SLC2A9: variants seen among roughly 807,000 people sequenced by gnomAD.
SLC2A9 encodes the protein solute carrier family 2, facilitated glucose transporter member 9.
In SLC2A9, 39 loss-of-function variants were observed where a neutral mutation model predicts 50.6. The ratio of observed to expected loss-of-function variants is 0.77; its 90% CI spans 0.60 to 1.01. SLC2A9 has a LOEUF of 1.01. Ranked by LOEUF, SLC2A9 falls within the 50% of genes least tolerant of loss-of-function variation. The probability of loss-of-function intolerance (pLI) is 0.00; values close to 1 mark genes in which losing one functional copy is unlikely to be tolerated. For synonymous variants in SLC2A9, 324 were observed against 276.9 expected, an observed-to-expected ratio of 1.17 and a Z score of -1.69; for missense variants, 686 against 677.6, an observed-to-expected ratio of 1.01 and a Z score of -0.14.
chr4:10,040,264 A>G (rs1764239899), upstream of SLC2A9: 1 of 152,196 alleles, frequency 6.6e-6, no homozygotes, highest in Non-Finnish European at 1.5e-5. Flanking sequence ...GCCAACAGGA[A>G]CTGAGTGAAT....
chr4:9,893,231 C>T (rs539351839), intron 8 of SLC2A9, among the ~76,000 whole-genome samples: 1 of 152,252 alleles, frequency 6.6e-6, no homozygotes, highest in Non-Finnish European at 1.5e-5. Context: ...CACCCCCTCC[C>T]CCCTCCGCAT....
chr4:9,900,697 T>C lies in SLC2A9; in HGVS notation c.1113+7538A>G, dbSNP rs143758325. On this transcript the variant is annotated intron_variant, in intron 8 of 11. Transcript: ENST00000264784. ...AGTTTACAAAGGAAAGAGGTTTAAT[T>C]GACAAAGTTCCACAGGGCGGGGGAG... Among the ~76,000 whole-genome samples the C allele has an allele frequency of 3.8e-3, 580 of 152,276 alleles. 5 individuals carry two copies. Among genetic ancestry groups the C allele is most frequent in the South Asian group, 0.017 (81 of 4,826 alleles).
intron 5 of SLC2A9, among the ~76,000 whole-genome samples, chr4:9,979,734 T>C (rs1755388913): frequency 6.6e-6 from 1 of 152,090 alleles, no homozygotes; most frequent in Admixed American, 6.6e-5. Flanking sequence ...TCCAGTGCCA[T>C]CCAGGGCTTC....
At chr4:9,787,473 T>C (rs966664448) in intron 3 of SLC2A9, among the ~76,000 whole-genome samples, 2 of 152,252 alleles carry the variant, frequency 1.3e-5, no homozygotes, top group African/African-American at 4.8e-5. Context: ...CTGTATCACT[T>C]ATCTCTGTTC....
chr4:9,824,654 T>C (rs1178393239), downstream of SLC2A9, among the ~76,000 whole-genome samples: 2 of 152,350 alleles, frequency 1.3e-5, no homozygotes, highest in Non-Finnish European at 2.9e-5. Context: ...CATGGGCTTT[T>C]GCAGGTGAGG....
intron 5 of SLC2A9, among the ~76,000 whole-genome samples, chr4:9,962,980 C>T (rs1260948162): frequency 6.6e-6 from 1 of 152,186 alleles, no homozygotes; most frequent in Non-Finnish European, 1.5e-5. Context: ...CCTCCAGACC[C>T]CAAGGTGGAT....
At chr4:9,783,641 G>A (rs1967550) in intron 3 of SLC2A9, 1 of 645,842 alleles carries the variant, frequency 1.5e-6, no homozygotes, top group Non-Finnish European at 2.7e-6. Context: ...ATTGGCAGAA[G>A]CAGTTGCAAT....
intron 6 of SLC2A9, among the ~76,000 whole-genome samples, chr4:9,934,441 C>T (rs968395559): frequency 1.3e-5 from 2 of 152,150 alleles, no homozygotes; most frequent in Non-Finnish European, 2.9e-5. Flanking sequence ...ACAGCTATGT[C>T]CCTAAGACAC....
At chr4:10,021,554 T>C (rs527691923), upstream of SLC2A9, 2 of 1,464,078 alleles carry the variant, frequency 1.4e-6, no homozygotes, top group Non-Finnish European at 1.9e-6. Flanking sequence ...AGTGTGGCAA[T>C]TTGATCATGC....
At chr4:9,934,167 C>T (rs976778031) in intron 6 of SLC2A9, among the ~76,000 whole-genome samples, 1 of 152,156 alleles carries the variant, frequency 6.6e-6, no homozygotes, top group Non-Finnish European at 1.5e-5. Flanking sequence ...CCCACACTAG[C>T]ATATAAGAGG....
intron 10 of SLC2A9, among the ~76,000 whole-genome samples, chr4:9,845,589 C>A: frequency 6.6e-6 from 1 of 150,870 alleles, no homozygotes; most frequent in Non-Finnish European, 1.5e-5. Context: ...GCTACCACGA[C>A]CGGCTAATTT....
Position 9,903,851 on chromosome 4 carries a change from T to C in SLC2A9, c.1113+4384A>G, listed in dbSNP as rs570476653. On this transcript the variant is annotated intron_variant, in intron 8 of 11. Coordinates refer to ENST00000264784, the MANE Select transcript of SLC2A9 (RefSeq NM_020041.3). ...ATATTTTGTATATTATATAAATATA[T>C]AAAATATATTTTATATATTATAAAT... Among the ~76,000 whole-genome samples, 449 of 147,390 alleles carry C rather than the reference T, an allele frequency of 3.0e-3. 5 individuals are homozygous for C. Among genetic ancestry groups the C allele is most frequent in the African/African-American group, 0.011 (432 of 40,776 alleles).
At chr4:9,794,661 A>G (rs1282761424), downstream of SLC2A9, among the ~76,000 whole-genome samples, 2 of 152,176 alleles carry the variant, frequency 1.3e-5, no homozygotes, top group Admixed American at 1.3e-4. Context: ...ACAAAGCAAA[A>G]TAAAACTCAC....
At chr4:9,879,302 G>A (rs891427214) in intron 10 of SLC2A9, 4 of 985,258 alleles carry the variant, frequency 4.1e-6, no homozygotes, top group Non-Finnish European at 3.6e-6. Context: ...ATGAATAAGG[G>A]TGGTTGTTGC....
Position 9,930,064 on chromosome 4 carries a change from G to T in SLC2A9, c.815-9492C>A, listed in dbSNP as rs929291802. Among the ~76,000 whole-genome samples, 4 of 152,270 alleles carry T rather than the reference G, an allele frequency of 2.6e-5. No homozygotes were observed. The South Asian group carries it at 8.3e-4, about 32-fold the overall frequency. On this transcript the variant is annotated intron_variant, in intron 6 of 11. Transcript: ENST00000264784. Reference sequence around the variant, plus strand: ...GAGCACAAACATTCAGACCATGACAGCAACTTAGAATCAGACCCTTCAGAG... The same window carrying T: ...GAGCACAAACATTCAGACCATGACATCAACTTAGAATCAGACCCTTCAGAG...
At chr4:9,788,305 T>C (rs1260152336) in intron 3 of SLC2A9, among the ~76,000 whole-genome samples, 1 of 151,720 alleles carries the variant, frequency 6.6e-6, no homozygotes, top group Non-Finnish European at 1.5e-5. Flanking sequence ...TCCTCTCACC[T>C]CAGCCTCCCA....
intron 3 of SLC2A9, chr4:9,782,705 G>T (rs762388093): frequency 1.2e-6 from 2 of 1,614,002 alleles, no homozygotes; most frequent in South Asian, 1.1e-5. Context: ...TCGAACCTAC[G>T]CCATCTCTTC....
At chr4:10,039,006 T>C (rs1764195685) in intron 1 of SLC2A9, among the ~76,000 whole-genome samples, 2 of 152,200 alleles carry the variant, frequency 1.3e-5, no homozygotes, top group African/African-American at 2.4e-5. Flanking sequence ...CCGTAGACAA[T>C]GGTTAAACAG....
chr4:9,797,920 C>T (rs1405313208), downstream of SLC2A9, among the ~76,000 whole-genome samples: 2 of 152,360 alleles, frequency 1.3e-5, no homozygotes, highest in African/African-American at 4.8e-5. Flanking sequence ...CCATATTCTC[C>T]TATTCCACCT....
Sources: gnomAD v4.1 joint callset for allele counts (sites outside exome capture counted in the v4.1 genomes callset) on GRCh38, gnomAD v4.1.1 for gene constraint, MANE v1.5 for transcripts, NCBI Gene and HGNC (gene_info 2026-07-23, HGNC 2026-07-21) for gene names.